The following CEP128 variants were observed in gnomAD, a reference collection of about 807,000 sequenced individuals.
CEP128 encodes centrosomal protein 128kDa.
A neutral mutation model predicts 156.7 loss-of-function variants in CEP128; 132 were observed. The observed-to-expected ratio is 0.84, with a 90% CI of 0.73 to 0.97. CEP128 has a LOEUF of 0.97. Ranked by LOEUF, CEP128 falls within the 50% of genes least tolerant of loss-of-function variation. The pLI is 0.00. For synonymous variants in CEP128, 469 were observed against 448.9 expected (o/e 1.04, Z -0.57); for missense variants, 1,252 against 1,281.9 (o/e 0.98, Z 0.36).
At chr14:80,832,288 A>G (rs1161488647) in intron 12 of CEP128, among the ~76,000 whole-genome samples, 1 of 152,130 alleles carries the variant, frequency 6.6e-6, no homozygotes, top group African/African-American at 2.4e-5. Flanking sequence ...CCAAGAATAG[A>G]GACAAAATAT....
In CEP128 at chr14:80,496,760, A is replaced by G. The variant is rs1279915649; in HGVS notation, c.*719T>C. ...CACAGTAAACCAAAGACGGTCCAGG[A>G]TATGACTGAAGTGATCACAGTAGGA... On this transcript the variant is annotated 3_prime_UTR_variant, in exon 25 of 25. Coordinates refer to ENST00000555265, the MANE Select transcript of CEP128 (RefSeq NM_152446.5). The G allele has an allele frequency of 2.0e-5, 3 of 152,174 alleles. No homozygotes were observed. Among genetic ancestry groups the G allele is most frequent in the Non-Finnish European group, 2.9e-5 (2 of 68,018 alleles). The allele number at this position is 152,174 out of a possible 1,614,324, so 9.4% of individuals were successfully genotyped here.
chr14:80,829,883 T>C (rs1309744535), intron 13 of CEP128, among the ~76,000 whole-genome samples: 1 of 152,156 alleles, frequency 6.6e-6, no homozygotes, highest in Admixed American at 6.5e-5. Context: ...ATAATTTTTT[T>C]AGTGCTCACA....
At chr14:80,541,443 T>TAAAAAAAAAAA (rs35523389) in intron 21 of CEP128, among the ~76,000 whole-genome samples, 2 of 109,936 alleles carry the variant, frequency 1.8e-5, no homozygotes, top group African/African-American at 7.6e-5. Context: ...ATGACTGTGT[T>TAAAAAAAAAAA]AAAAAAAAAA....
intron 19 of CEP128, among the ~76,000 whole-genome samples, chr14:80,607,196 A>G (rs1290743713): frequency 6.6e-6 from 1 of 152,096 alleles, no homozygotes; most frequent in Non-Finnish European, 1.5e-5. Flanking sequence ...TCATATAGAC[A>G]TATCTAAAGA....
chr14:80,916,473 C>CGTT lies in CEP128; in HGVS notation c.72_74dup (p.Thr25dup). Reference sequence around the variant, plus strand: ...TAGGAAGACTTCGAGTTCCCCTGTGCGTTGATCTGGCAGCCCATGGACTCA... The same window carrying CGTT: ...TAGGAAGACTTCGAGTTCCCCTGTGCGTTGTTGATCTGGCAGCCCATGGACTCA... On this transcript the variant is annotated inframe_insertion, in exon 3 of 25. Transcript: ENST00000555265. 1.1e-5 allele frequency: 18 copies of CGTT among 1,613,950 alleles called. No homozygotes were observed. Among genetic ancestry groups the CGTT allele is most frequent in the Non-Finnish European group, 1.5e-5 (18 of 1,179,868 alleles).
chr14:80,894,549 C>CAAA (rs34375242), intron 8 of CEP128: 31 of 393,160 alleles, frequency 7.9e-5, no homozygotes, highest in Admixed American at 1.2e-4. Flanking sequence ...GAACTTTATG[C>CAAA]AAAAAAAAAA....
intron 9 of CEP128, among the ~76,000 whole-genome samples, chr14:80,856,715 C>CTTTTTTTTTT (rs1566673747): frequency 1.4e-5 from 1 of 73,204 alleles, no homozygotes; most frequent in African/African-American, 5.2e-5. Context: ...TCATGTTTTT[C>CTTTTTTTTTT]TTTTCTTTTT....
chr14:80,639,488 TA>T (rs1435709147), intron 19 of CEP128, among the ~76,000 whole-genome samples: 2 of 152,172 alleles, frequency 1.3e-5, no homozygotes. Flanking sequence ...GTGCCTGAAG[TA>T]AACTCATTGT....
chr14:80,729,059 GTGTGTGTGT>G (rs1566880996), intron 19 of CEP128, among the ~76,000 whole-genome samples: 4 of 16,476 alleles, frequency 2.4e-4, no homozygotes, highest in African/African-American at 7.7e-4. Flanking sequence ...GCTGGTGGGG[GTGTGTGTGT>G]GTGTGTGTGT....
At chr14:80,903,667 A>C (rs1471809449) in intron 6 of CEP128, among the ~76,000 whole-genome samples, 1 of 151,980 alleles carries the variant, frequency 6.6e-6, no homozygotes, top group African/African-American at 2.4e-5. Context: ...AAAAAAAAAA[A>C]TTTAAAATGG....
intron 9 of CEP128, among the ~76,000 whole-genome samples, chr14:80,854,771 G>A (rs1489867140): frequency 6.6e-6 from 1 of 152,094 alleles, no homozygotes; most frequent in Non-Finnish European, 1.5e-5. Context: ...TTAAACACAG[G>A]ACCAAAACAG....
intron 24 of CEP128, among the ~76,000 whole-genome samples, chr14:80,501,364 AT>A (rs1386869556): frequency 6.6e-6 from 1 of 152,170 alleles, no homozygotes; most frequent in East Asian, 1.9e-4. Context: ...CAACAACAAC[AT>A]TGGATTTTGG....
chr14:80,534,156 T>C (rs974708084), intron 21 of CEP128, among the ~76,000 whole-genome samples: 2 of 151,728 alleles, frequency 1.3e-5, no homozygotes, highest in African/African-American at 4.9e-5. Flanking sequence ...TCTCTCTCTC[T>C]GCATGTATGT....
intron 19 of CEP128, among the ~76,000 whole-genome samples, chr14:80,720,655 C>T (rs973136695): frequency 6.6e-6 from 1 of 152,188 alleles, no homozygotes; most frequent in African/African-American, 2.4e-5. Flanking sequence ...TTCTCATTTA[C>T]TTCCTGTGTA....
At chr14:80,888,062 T>G (rs755419855) in intron 8 of CEP128, among the ~76,000 whole-genome samples, 1 of 152,024 alleles carries the variant, frequency 6.6e-6, no homozygotes, top group Non-Finnish European at 1.5e-5. Context: ...ACAAACACCC[T>G]CCCAAGACTA....
intron 19 of CEP128, among the ~76,000 whole-genome samples, chr14:80,634,651 G>A (rs527533002): frequency 6.6e-6 from 1 of 152,130 alleles, no homozygotes; most frequent in Non-Finnish European, 1.5e-5. Context: ...CTAATTTGGA[G>A]AAGCCAACCT....
At chr14:80,836,097 G>A (rs781022660) in intron 12 of CEP128, 108 bp downstream of exon 12, 15 of 965,592 alleles carry the variant, frequency 1.6e-5, no homozygotes, top group African/African-American at 6.6e-5. Context: ...ATAGTATGAC[G>A]TGAGCATCAC....
intron 2 of CEP128, among the ~76,000 whole-genome samples, chr14:80,933,234 C>A (rs1039911051): frequency 6.6e-6 from 1 of 152,192 alleles, no homozygotes; most frequent in African/African-American, 2.4e-5. Context: ...TAATTAGGAA[C>A]AGTGTCCTCT....
At chr14:80,632,432 T>C (rs903181123) in intron 19 of CEP128, among the ~76,000 whole-genome samples, 1 of 148,744 alleles carries the variant, frequency 6.7e-6, no homozygotes, top group Non-Finnish European at 1.5e-5. Context: ...ATATGGTACA[T>C]ATATATCAGT....
Sources: gnomAD v4.1 joint callset for allele counts (sites outside exome capture counted in the v4.1 genomes callset) on GRCh38, gnomAD v4.1.1 for gene constraint, MANE v1.5 for transcripts, NCBI Gene and HGNC (gene_info 2026-07-23, HGNC 2026-07-21) for gene names.